Variants in PSMC3 observed in about 807,000 individuals in gnomAD.
PSMC3 encodes 26S proteasome regulatory subunit 6A.
Under a neutral mutation model 52.0 loss-of-function variants are expected in PSMC3, and 11 were observed. The observed-to-expected ratio is 0.21, with a 90% CI of 0.13 to 0.35. The LOEUF is 0.35. PSMC3 is among the 10% of genes least tolerant of loss of function. The pLI is 1.00. For missense variants in PSMC3, 238 were observed against 567.1 expected (o/e 0.42, Z 5.89); for synonymous variants, 201 against 218.8 (o/e 0.92, Z 0.72).
In PSMC3 at chr11:47,424,474, C is replaced by T. The variant is rs1386579862; in HGVS notation, c.408G>A (p.Val136=). Residue 136 remains valine, a synonymous_variant, in exon 5 of 12, where the codon GTG becomes GTA. Coordinates refer to ENST00000298852, the MANE Select transcript of PSMC3 (RefSeq NM_002804.5). This position sits in a 1 kb window ranked among gnomAD's most constrained non-coding sequence, Gnocchi z 4.8. ...TSTRQTYFLP[V]IGLVDAEKLK... is the part of the protein sequence containing the mutation. ...GCTTTTCAGCATCCACCAACCCAAT[C>T]ACAGGAAGGAAGTACGTCTGTGGAC... 6.2e-7 allele frequency: 1 copy of T among 1,614,214 alleles called. No homozygotes were observed. The highest frequency in any genetic ancestry group is 1.3e-5 in the African/African-American group (1 of 75,062).
Position 47,426,285 on chromosome 11 carries a change from G to T in PSMC3, c.-6C>A. On this transcript the variant is annotated 5_prime_UTR_variant, in exon 1 of 12. Transcript: ENST00000298852. ...ATATTCGGCAGCAGATTCATTTCCT[G>T]GAGGAGCGGGCAGAAGATGGGACCA... 6.4e-7 allele frequency: 1 copy of T among 1,551,162 alleles called. No homozygotes were observed. Among genetic ancestry groups the T allele is most frequent in the Non-Finnish European group, 8.7e-7 (1 of 1,146,708 alleles).
chr11:47,425,651 T>C (rs17790804), intron 2 of PSMC3: 80,570 of 556,168 alleles, frequency 0.14, 8,024 homozygotes, highest in East Asian at 0.37. Context: ...GGCAATCTGA[T>C]AACTTCTCAT....
Position 47,425,955 on chromosome 11 carries a change from A to G in PSMC3, c.76-5T>C. 6.2e-7 allele frequency: 1 copy of G among 1,610,556 alleles called. No individual in the cohort carries two copies. Among genetic ancestry groups the G allele is most frequent in the Middle Eastern group, 1.7e-4 (1 of 6,032 alleles). ...CTCCTCCCCAATTCCATCTTGCTGT[A>G]AAAAATTATTTGTTTATTTATATAT... On this transcript the variant is annotated splice_polypyrimidine_tract_variant and splice_region_variant and intron_variant, in intron 1 of 11. Coordinates refer to ENST00000298852, the MANE Select transcript of PSMC3 (RefSeq NM_002804.5).
chr11:47,420,097 C>T (rs907761207), intron 10 of PSMC3, among the ~76,000 whole-genome samples, 167 bp downstream of exon 10: 5 of 152,134 alleles, frequency 3.3e-5, no homozygotes, highest in Non-Finnish European at 7.4e-5. Context: ...CGCTACATCA[C>T]ACAACTGAGG....
In PSMC3 at chr11:47,426,262, A is replaced by G. The variant is rs1040358479; in HGVS notation, c.18T>C (p.Asn6=). The change falls in exon 1 of 12, where the codon AAT becomes AAC. Residue 6 remains asparagine, a synonymous_variant. Transcript: ENST00000298852. ...CCTGCCGAGTCACTGGACTCTCAAT[A>G]TTCGGCAGCAGATTCATTTCCTGGA... MNLLP[N]IESPVTRQEK... The G allele has an allele frequency of 1.2e-5, 18 of 1,554,930 alleles. No homozygotes were observed. Among genetic ancestry groups the G allele is most frequent in the Admixed American group, 2.0e-5 (1 of 51,214 alleles).
Position 47,424,863 on chromosome 11 carries a change from A to C in PSMC3, c.286-152T>G, listed in dbSNP as rs1205734059. 1 of 841,220 alleles carries C rather than the reference A, an allele frequency of 1.2e-6. No individual in the cohort carries two copies. The highest frequency in any genetic ancestry group is 2.1e-5 in the Admixed American group (1 of 46,818). 52.1% of individuals were successfully genotyped at this position (841,220 alleles called of 1,614,324 possible). On this transcript the variant is annotated intron_variant, in intron 3 of 11. Transcript: ENST00000298852. The surrounding 1 kb of genome is among the most constrained non-coding windows in gnomAD (Gnocchi z 4.8). ...GTGGGTGCCCCTGCTAAGCCCAGGG[A>C]TTGATCTCTGTGTAGGTGCTGCTCC...
At position 47,420,295 on chromosome 11, in the gene PSMC3, T is replaced by G. The variant is rs144968726; in HGVS notation, c.1096A>C (p.Met366Leu). 6.2e-7 allele frequency: 1 copy of G among 1,614,180 alleles called. No homozygotes were observed. Among genetic ancestry groups the G allele is most frequent in the South Asian group, 1.1e-5 (1 of 91,080 alleles). The change falls in exon 10 of 12, where the codon ATG (methionine) becomes CTG (leucine). Residue 366 changes from methionine to leucine, a missense_variant. This residue lies in a region of PSMC3 where 40 missense variants were observed against 53.3 expected (regional missense o/e 0.75). Coordinates refer to ENST00000298852, the MANE Select transcript of PSMC3 (RefSeq NM_002804.5). ...TTCATCTTTCGGGAGTGGATCTGCA[T>G]GATTCTGGCCCGGGCCTCCTCATTG... ...MPNEEARARIMQIHSRKMNVS... is the reference protein window; with the variant it reads ...MPNEEARARILQIHSRKMNVS...
Position 47,418,832 on chromosome 11 carries a change from G to A in PSMC3, c.*3C>T. ...CCGTGAGACTGGGGCTGGCCTGTGT[G>A]CCCTAGGCGTAGTATTGTAGGTTGG... On this transcript the variant is annotated 3_prime_UTR_variant, in exon 12 of 12. Transcript: ENST00000298852. 6.8e-6 allele frequency: 11 copies of A among 1,611,714 alleles called. No homozygotes were observed. Among genetic ancestry groups the A allele is most frequent in the South Asian group, 1.1e-5 (1 of 91,022 alleles).
In PSMC3 at chr11:47,420,287, G is replaced by A; in HGVS notation, c.1104C>T (p.Ile368=). The A allele has an allele frequency of 6.2e-7, 1 of 1,614,202 alleles. No homozygotes were observed. Among genetic ancestry groups the A allele is most frequent in the Non-Finnish European group, 8.5e-7 (1 of 1,180,050 alleles). Reference sequence around the variant, plus strand: ...ACCTGACATTCATCTTTCGGGAGTGGATCTGCATGATTCTGGCCCGGGCCT... The same window carrying A: ...ACCTGACATTCATCTTTCGGGAGTGAATCTGCATGATTCTGGCCCGGGCCT... ...NEEARARIMQ[I]HSRKMNVSPD... is the part of the protein sequence containing the mutation. Residue 368 remains isoleucine (I), a synonymous_variant, in exon 10 of 12, where the codon ATC becomes ATT. Transcript: ENST00000298852.
In PSMC3 at chr11:47,424,700, A is replaced by G. The variant is rs765713012; in HGVS notation, c.297T>C (p.Val99=). The change falls in exon 4 of 12, where the codon GTT becomes GTC. Residue 99 remains valine (V), a synonymous_variant. Transcript: ENST00000298852. The surrounding 1 kb of genome is among the most constrained non-coding windows in gnomAD (Gnocchi z 4.8). ...CATCCTCCTCTTGGTCATTAGGATC[A>G]ACATCCAGGAGCTGGGAAGGAAAAA... ...LVSNVIELLD[V]DPNDQEEDGA... The G allele has an allele frequency of 6.2e-7, 1 of 1,612,926 alleles. No homozygotes were observed. Among genetic ancestry groups the G allele is most frequent in the African/African-American group, 1.3e-5 (1 of 75,004 alleles).
chr11:47,425,781 C>T (rs1276505018), intron 2 of PSMC3, 86 bp downstream of exon 2: 1 of 1,222,310 alleles, frequency 8.2e-7, no homozygotes, highest in East Asian at 2.4e-5. Flanking sequence ...CCCAGGGTGC[C>T]CGATTAGGAA....
In PSMC3 at chr11:47,422,797, C is replaced by A; in HGVS notation, c.735+33G>T. On this transcript the variant is annotated intron_variant, in intron 7 of 11. Transcript: ENST00000298852. This position sits in a 1 kb window ranked among gnomAD's most constrained non-coding sequence, Gnocchi z 4.3. ...CATCTGGTAGAGTTTCTGCTCCTGC[C>A]CACTTCCCCCGCATCCCTCCCAAAG... is the stretch of plus-strand genomic sequence containing the variant. 1 of 1,603,358 alleles carries A rather than the reference C, an allele frequency of 6.2e-7. No homozygotes were observed. Among genetic ancestry groups the A allele is most frequent in the Non-Finnish European group, 8.5e-7 (1 of 1,172,388 alleles).
At position 47,426,430 on chromosome 11, in the gene PSMC3, C is replaced by G; in HGVS notation, c.-151G>C. On this transcript the variant is annotated 5_prime_UTR_variant, in exon 1 of 12. Coordinates refer to ENST00000298852, the MANE Select transcript of PSMC3 (RefSeq NM_002804.5). Reference sequence around the variant, plus strand: ...GACCAGCTCCGGCCGTGCTGCGGAGCAGCGAATCTGCCTCTCCGATTCCAA... The same window carrying G: ...GACCAGCTCCGGCCGTGCTGCGGAGGAGCGAATCTGCCTCTCCGATTCCAA... 1 of 630,636 alleles carries G rather than the reference C, an allele frequency of 1.6e-6. No individual in the cohort carries two copies. The highest frequency in any genetic ancestry group is 2.5e-6 in the Non-Finnish European group (1 of 398,158). 39.1% of individuals were successfully genotyped at this position (630,636 alleles called of 1,614,324 possible). A position where few individuals can be genotyped will look rare whatever the true frequency, so the allele number is the denominator to read the frequency against.
intron 8 of PSMC3, among the ~76,000 whole-genome samples, chr11:47,421,843 T>C (rs2096040960): frequency 1.3e-5 from 2 of 151,600 alleles, no homozygotes; most frequent in South Asian, 4.2e-4. Context: ...AGTAGAGATG[T>C]GTTTCACCAT....
Position 47,422,477 on chromosome 11 carries a change from A to G in PSMC3, c.884+97T>C. 6 of 1,453,538 alleles carry G rather than the reference A, an allele frequency of 4.1e-6. No individual in the cohort carries two copies. Among genetic ancestry groups the G allele is most frequent in the Non-Finnish European group, 5.7e-6 (6 of 1,061,738 alleles). 90.0% of individuals were successfully genotyped at this position (1,453,538 alleles called of 1,614,324 possible). A position where few individuals can be genotyped will look rare whatever the true frequency, so the allele number is the denominator to read the frequency against. ...CCACCATCCAGGGGCAGGAGGGGAT[A>G]CAGGGTGGGAAGGAACCACAATTTA... is the stretch of plus-strand genomic sequence containing the variant. On this transcript the variant is annotated intron_variant, in intron 8 of 11. Coordinates refer to ENST00000298852, the MANE Select transcript of PSMC3 (RefSeq NM_002804.5). The surrounding 1 kb of genome is among the most constrained non-coding windows in gnomAD (Gnocchi z 4.3).
chr11:47,426,137 T>C (rs1384186575), intron 1 of PSMC3, 68 bp downstream of exon 1: 1 of 1,508,058 alleles, frequency 6.6e-7, no homozygotes, highest in East Asian at 2.5e-5. Flanking sequence ...AGCCACCTCC[T>C]TCCCTCTTGT....
intron 8 of PSMC3, 113 bp from the exon 9 acceptor site, chr11:47,420,840 C>G: frequency 2.1e-6 from 2 of 952,594 alleles, no homozygotes; most frequent in Non-Finnish European, 3.2e-6. Context: ...AAATGGCTCA[C>G]TCAACTTGGG....
Position 47,425,346 on chromosome 11 carries a change from G to A in PSMC3, c.160-100C>T, listed in dbSNP as rs1162402380. ...TCCAGGGTGCCCAGGGGACCCTCCC[G>A]CATCCATTCATCCAGCTCTGAGGCT... On this transcript the variant is annotated intron_variant, in intron 2 of 11. Coordinates refer to ENST00000298852, the MANE Select transcript of PSMC3 (RefSeq NM_002804.5). 25 of 1,404,094 alleles carry A rather than the reference G, an allele frequency of 1.8e-5. No homozygotes were observed. In the East Asian group the frequency reaches 3.0e-4, roughly 17 times the overall value. The allele number at this position is 1,404,094 out of a possible 1,614,324, so 87.0% of individuals were successfully genotyped here.
chr11:47,426,258 C>T lies in PSMC3; in HGVS notation c.22G>A (p.Glu8Lys). Residue 8 changes from glutamate to lysine, a missense_variant, in exon 1 of 12, where the codon GAG (glutamate) becomes AAG (lysine). This residue lies in a region of PSMC3 where 48 missense variants were observed against 63.4 expected (regional missense o/e 0.76). Coordinates refer to ENST00000298852, the MANE Select transcript of PSMC3 (RefSeq NM_002804.5). Reference sequence around the variant, plus strand: ...TTCTCCTGCCGAGTCACTGGACTCTCAATATTCGGCAGCAGATTCATTTCC... The same window carrying T: ...TTCTCCTGCCGAGTCACTGGACTCTTAATATTCGGCAGCAGATTCATTTCC... Reference protein sequence around the residue: MNLLPNIESPVTRQEKMA... With the variant: MNLLPNIKSPVTRQEKMA... 1 of 1,555,762 alleles carries T rather than the reference C, an allele frequency of 6.4e-7. No homozygotes were observed.
Sources: allele counts gnomAD v4.1 joint callset (sites outside exome capture counted in the v4.1 genomes callset), GRCh38; gene constraint gnomAD v4.1.1; regional missense constraint gnomAD v4.1.1; non-coding constraint Gnocchi (gnomAD v3.1); transcripts MANE v1.5; gene names NCBI Gene and HGNC (gene_info 2026-07-23, HGNC 2026-07-21).